DKKL1: variants seen among roughly 807,000 people sequenced by gnomAD.
The protein encoded by DKKL1 is dickkopf-like protein 1.
A neutral mutation model predicts 16.5 loss-of-function variants in DKKL1; 11 were observed. The observed-to-expected ratio is 0.67, with a 90% CI of 0.42 to 1.10. The LOEUF is 1.10. Ranked by LOEUF, DKKL1 falls within the 50% of genes least tolerant of loss-of-function variation. The pLI, the probability that DKKL1 is intolerant of heterozygous loss-of-function variation, is 0.00. For missense variants in DKKL1, 320 were observed against 308.1 expected (o/e 1.04, Z -0.29); for synonymous variants, 119 against 133.2 (o/e 0.89, Z 0.73).
At chr19:49,367,686 G>A (rs1487672775) in intron 4 of DKKL1, among the ~76,000 whole-genome samples, 2 of 152,094 alleles carry the variant, frequency 1.3e-5, no homozygotes, top group African/African-American at 4.8e-5. Flanking sequence ...GATTATAGGC[G>A]TGAGCCACCA....
At chr19:49,371,190 G>A (rs942836036) in intron 4 of DKKL1, 5 of 152,240 alleles carry the variant, frequency 3.3e-5, no homozygotes, top group Admixed American at 2.6e-4. Context: ...AGGAGGATGA[G>A]GATGCTGAAG....
At position 49,374,807 on chromosome 19, in the gene DKKL1, TG is replaced by T. The variant is rs1973658768; in HGVS notation, c.510del (p.Trp170Ter). 1 of 1,613,224 alleles carries T rather than the reference TG, an allele frequency of 6.2e-7. No individual in the cohort carries two copies. Among genetic ancestry groups the T allele is most frequent in the Non-Finnish European group, 8.5e-7 (1 of 1,179,610 alleles). ...AGAACTCCATCCCCGGGTGGCCTTC[TG>T]GATCATTAAGCTGCCACGGCGGAGG... ...HTELHPRVAF[W>X]IIKLPRRRSH... On this transcript the variant is annotated frameshift_variant, in exon 5 of 5. Transcript: ENST00000221498. LOFTEE classifies it low-confidence loss of function (END_TRUNC).
Position 49,363,894 on chromosome 19 carries a change from C to G in DKKL1, c.-105C>G. 2 of 1,497,934 alleles carry G rather than the reference C, an allele frequency of 1.3e-6. No individual in the cohort carries two copies. The highest frequency in any genetic ancestry group is 1.8e-6 in the Non-Finnish European group (2 of 1,097,118). 92.8% of individuals were successfully genotyped at this position (1,497,934 alleles called of 1,614,324 possible). A position where few individuals can be genotyped will look rare whatever the true frequency, so the allele number is the denominator to read the frequency against. ...TCTAGACCAGACCTGGGCTCGAGAC[C>G]ATAACTGTTTGGCTTTAACAGTACG... On this transcript the variant is annotated 5_prime_UTR_variant, in exon 1 of 5. Coordinates refer to ENST00000221498, the MANE Select transcript of DKKL1 (RefSeq NM_014419.4).
rs146176366 is a variant in DKKL1, at chr19:49,365,644, G to A, written c.319G>A (p.Asp107Asn). ...NNTLSSHLQI[D>N]KMTDNKTGEV... ...CACCCTCTCCAGCCACCTCCAGATC[G>A]ACAAGGTGCCTATGCAGGGAAGCCC... Residue 107 changes from aspartate (D) to asparagine (N), a missense_variant, in exon 3 of 5, where the codon GAC becomes AAC. Asp to Asn is a conservative substitution (Grantham distance 23). Transcript: ENST00000221498. The A allele has an allele frequency of 1.5e-4, 244 of 1,611,680 alleles. No homozygotes were observed. In the African/African-American group the frequency reaches 2.7e-3, roughly 18 times the overall value.
At chr19:49,367,865 T>G (rs1973318919) in intron 4 of DKKL1, among the ~76,000 whole-genome samples, 1 of 152,186 alleles carries the variant, frequency 6.6e-6, no homozygotes, top group African/African-American at 2.4e-5. Context: ...TTAAAAATGT[T>G]TATTTAAAAT....
At chr19:49,365,733 G>C (rs1042245696) in intron 3 of DKKL1, 60 bp from the exon 4 acceptor site, 1 of 1,602,740 alleles carries the variant, frequency 6.2e-7, no homozygotes. Flanking sequence ...TCTGTTGGGA[G>C]GGAAGGAGGG....
intron 4 of DKKL1, among the ~76,000 whole-genome samples, chr19:49,367,705 C>T (rs1973310830): frequency 6.6e-6 from 1 of 152,156 alleles, no homozygotes; most frequent in Non-Finnish European, 1.5e-5. Context: ...CATGCCTGGC[C>T]AGGCCACCTT....
At chr19:49,365,395 G>A (rs779566340) in intron 2 of DKKL1, 114 bp from the exon 3 acceptor site, 316 of 1,301,946 alleles carry the variant, frequency 2.4e-4, no homozygotes, top group Non-Finnish European at 1.3e-4. Context: ...GAAAGTAAAG[G>A]GGATGGGAGG....
chr19:49,360,661 T>TTAAG (rs1444819733), upstream of DKKL1, among the ~76,000 whole-genome samples: 1 of 147,166 alleles, frequency 6.8e-6, no homozygotes, highest in Non-Finnish European at 1.5e-5. Context: ...CAAGAACAGG[T>TTAAG]GGTAAGATGT....
chr19:49,364,516 G>T (rs918287227), intron 1 of DKKL1, 66 bp from the exon 2 acceptor site: 18 of 1,456,508 alleles, frequency 1.2e-5, no homozygotes, highest in Non-Finnish European at 1.6e-5. Flanking sequence ...GCAAGGTGCT[G>T]GAGAGGGGCG....
chr19:49,366,711 T>TG (rs999268631), intron 4 of DKKL1, among the ~76,000 whole-genome samples: 2 of 105,334 alleles, frequency 1.9e-5, no homozygotes, highest in African/African-American at 4.8e-5. Flanking sequence ...TTTGTTTTTT[T>TG]GGTTTTTTTT....
chr19:49,361,016 A>C (rs1972850727), upstream of DKKL1, among the ~76,000 whole-genome samples: 1 of 44,308 alleles, frequency 2.3e-5, no homozygotes. Flanking sequence ...GGAGGGGGGG[A>C]CAGAGACCAG....
At chr19:49,370,847 T>C (rs1227461202) in intron 4 of DKKL1, 3 of 152,232 alleles carry the variant, frequency 2.0e-5, no homozygotes, top group Admixed American at 2.0e-4. Context: ...GCCCTATCTC[T>C]TCACAGGGCA....
chr19:49,367,001 C>T (rs1973276546), intron 4 of DKKL1, among the ~76,000 whole-genome samples: 1 of 151,682 alleles, frequency 6.6e-6, no homozygotes, highest in Non-Finnish European at 1.5e-5. Context: ...AGCCACCACA[C>T]CTGGCCCAAA....
intron 4 of DKKL1, among the ~76,000 whole-genome samples, chr19:49,366,696 TTTTG>T (rs1376931335): frequency 1.0e-4 from 14 of 137,558 alleles, no homozygotes; most frequent in South Asian, 2.4e-4. Flanking sequence ...TTGGGGTTTT[TTTTG>T]TTTGTTTTTT....
rs371537751 is a variant in DKKL1, at chr19:49,374,735, A to G, written c.436A>G (p.Lys146Glu). 1.6e-4 allele frequency: 243 copies of G among 1,533,514 alleles called. No homozygotes were observed. Among genetic ancestry groups the G allele is most frequent in the East Asian group, 6.6e-4 (29 of 43,650 alleles). 95.0% of individuals were successfully genotyped at this position (1,533,514 alleles called of 1,614,324 possible). ...GDLKVPRMEEKEALVPIQKAT... is the reference protein window; with the variant it reads ...GDLKVPRMEEEEALVPIQKAT... The stretch of plus-strand genomic sequence containing the variant: ...TCCCCAGGTACCCAGGATGGAGGAG[A>G]AGGAGGCCCTGGTACCCATCCAGAA... The change falls in exon 5 of 5, where the codon AAG (lysine) becomes GAG (glutamate). Residue 146 changes from lysine (K) to glutamate (E), a missense_variant. Transcript: ENST00000221498.
At chr19:49,363,391 A>G (rs553065627), upstream of DKKL1, among the ~76,000 whole-genome samples, 35 of 151,576 alleles carry the variant, frequency 2.3e-4, no homozygotes, top group African/African-American at 8.3e-4. Context: ...GTTCCGAAAC[A>G]GATACACAAT....
chr19:49,369,072 A>C lies in DKKL1; in HGVS notation c.417+3187A>C, dbSNP rs1973371710. On this transcript the variant is annotated intron_variant, in intron 4 of 4. Coordinates refer to ENST00000221498, the MANE Select transcript of DKKL1 (RefSeq NM_014419.4). ...GACAGGACACAGCAGTAAGGACCCA[A>C]TGCATAAGGGATAAATATTCCTGCC... 5 of 152,234 alleles carry C rather than the reference A, an allele frequency of 3.3e-5. No homozygotes were observed. The South Asian group carries it at 1.0e-3, about 32-fold the overall frequency. 9.4% of individuals were successfully genotyped at this position (152,234 alleles called of 1,614,324 possible).
At chr19:49,364,817 G>C in intron 2 of DKKL1, 63 bp downstream of exon 2, 1 of 1,569,856 alleles carries the variant, frequency 6.4e-7, no homozygotes, top group Non-Finnish European at 8.6e-7. Flanking sequence ...CACAGAGTGG[G>C]AGATGGTTCA....
Sources: gnomAD v4.1 joint callset for allele counts (sites outside exome capture counted in the v4.1 genomes callset) on GRCh38, gnomAD v4.1.1 for gene constraint, MANE v1.5 for transcripts, NCBI Gene and HGNC (gene_info 2026-07-23, HGNC 2026-07-21) for gene names.